UCHL3: variants seen among roughly 807,000 people sequenced by gnomAD.
UCHL3 encodes the protein ubiquitin C-terminal hydrolase L3.
UCHL3 carries 22 observed loss-of-function variants against 35.8 expected under a neutral mutation model. The observed-to-expected ratio is 0.61, with a 90% CI of 0.44 to 0.88. UCHL3 has a LOEUF of 0.88. Among genes scored for constraint, UCHL3 ranks in the 40% least tolerant of loss-of-function variants. The pLI, the probability that UCHL3 is intolerant of heterozygous loss-of-function variation, is 0.00. For synonymous variants in UCHL3, 90 were observed against 92.8 expected (o/e 0.97, Z 0.17); for missense variants, 229 against 276.9 (o/e 0.83, Z 1.23).
At chr13:75,591,740 T>C (rs1250349942) in intron 6 of UCHL3, among the ~76,000 whole-genome samples, 3 of 152,194 alleles carry the variant, frequency 2.0e-5, no homozygotes, top group Non-Finnish European at 4.4e-5. Context: ...TTAATGCTTC[T>C]GTGCCTCAGT....
At chr13:75,556,100 A>G (rs187918986) in intron 2 of UCHL3, among the ~76,000 whole-genome samples, 5 of 152,304 alleles carry the variant, frequency 3.3e-5, no homozygotes, top group African/African-American at 7.2e-5. Flanking sequence ...TGAGTAATCT[A>G]TGTCGAGTAC....
intron 2 of UCHL3, among the ~76,000 whole-genome samples, chr13:75,559,085 G>A (rs1299414566): frequency 8.6e-6 from 1 of 115,778 alleles, no homozygotes; most frequent in Non-Finnish European, 1.7e-5. Flanking sequence ...TGTAGCCCAG[G>A]CTGGAGTGCA....
intron 7 of UCHL3, among the ~76,000 whole-genome samples, chr13:75,603,068 C>T (rs894138927): frequency 5.9e-5 from 9 of 152,064 alleles, no homozygotes; most frequent in South Asian, 4.1e-4. Flanking sequence ...TAGCTTGCTG[C>T]GTCCTTGAAC....
At chr13:75,570,541 C>T (rs2031823620) in intron 6 of UCHL3, among the ~76,000 whole-genome samples, 1 of 152,138 alleles carries the variant, frequency 6.6e-6, no homozygotes, top group Admixed American at 6.6e-5. Flanking sequence ...CAGCCGAAAC[C>T]ACACTTTTTC....
chr13:75,560,963 C>A, intron 3 of UCHL3, 82 bp downstream of exon 3: 1 of 1,302,716 alleles, frequency 7.7e-7, no homozygotes, highest in Non-Finnish European at 1.0e-6. Context: ...CAGTATCTCG[C>A]TCTGTTGCCT....
At chr13:75,550,169 TC>T (rs2031032011) in intron 2 of UCHL3, among the ~76,000 whole-genome samples, 182 bp downstream of exon 2, 1 of 152,206 alleles carries the variant, frequency 6.6e-6, no homozygotes, top group South Asian at 2.1e-4. Flanking sequence ...GCCACCTGGC[TC>T]CTGAAGATTC....
chr13:75,567,493 G>T (rs1455780945), intron 5 of UCHL3, among the ~76,000 whole-genome samples, 181 bp downstream of exon 5: 1 of 152,006 alleles, frequency 6.6e-6, no homozygotes, highest in African/African-American at 2.4e-5. Context: ...CTGATAAGTT[G>T]CCATTTCTTT....
intron 7 of UCHL3, among the ~76,000 whole-genome samples, chr13:75,596,792 G>A (rs958477948): frequency 6.6e-6 from 1 of 152,110 alleles, no homozygotes; most frequent in Non-Finnish European, 1.5e-5. Context: ...TTAGAAGGAA[G>A]GACATATATC....
At chr13:75,552,411 G>T (rs2031143978) in intron 2 of UCHL3, among the ~76,000 whole-genome samples, 1 of 152,194 alleles carries the variant, frequency 6.6e-6, no homozygotes, top group Non-Finnish European at 1.5e-5. Context: ...TCTGGTAATT[G>T]CATGTGTTGT....
At position 75,585,823 on chromosome 13, in the gene UCHL3, C is replaced by T. The variant is rs143889899; in HGVS notation, c.475-9092C>T. 8.4e-4 allele frequency among the ~76,000 whole-genome samples: 127 copies of T among 151,846 alleles called. 2 individuals carry two copies. Among genetic ancestry groups the T allele is most frequent in the Non-Finnish European group, 8.4e-4 (57 of 67,882 alleles). On this transcript the variant is annotated intron_variant, in intron 6 of 8. Transcript: ENST00000377595. ...GGTGTAATACTGTTTGAAGGTACTC[C>T]GTAACTAAAGATATATCTTGTAAAT...
At position 75,605,955 on chromosome 13, in the gene UCHL3, A is replaced by G; in HGVS notation, c.*143A>G. The G allele has an allele frequency of 5.6e-6, 4 of 715,402 alleles. No individual in the cohort carries two copies. The highest frequency in any genetic ancestry group is 2.2e-5 in the South Asian group (1 of 46,236). The allele number at this position is 715,402 out of a possible 1,614,324, so 44.3% of individuals were successfully genotyped here. ...TAAACTTTGCCTTAACCTGTGTTTT[A>G]TGTTATTTTTGCTCCAGGTTAAAGG... On this transcript the variant is annotated 3_prime_UTR_variant, in exon 9 of 9. Coordinates refer to ENST00000377595, the MANE Select transcript of UCHL3 (RefSeq NM_006002.5).
In UCHL3 at chr13:75,549,806, C is replaced by CCGGGCACCGCGGCCATGGAGGGT; in HGVS notation, c.-13_10dup. The CCGGGCACCGCGGCCATGGAGGGT allele has an allele frequency of 6.5e-7, 1 of 1,544,160 alleles. No homozygotes were observed. Among genetic ancestry groups the CCGGGCACCGCGGCCATGGAGGGT allele is most frequent in the Non-Finnish European group, 8.7e-7 (1 of 1,151,712 alleles). On this transcript the variant is annotated 5_prime_UTR_variant, in exon 1 of 9. In the 5' UTR this introduces an upstream ATG that the reference lacks. Coordinates refer to ENST00000377595, the MANE Select transcript of UCHL3 (RefSeq NM_006002.5). ...GGCGGCGGCTGTCAGAGCTGGAGGGCCGGGCACCGCGGCCATGGAGGGTCA... is the reference window on the plus strand; with the variant it reads ...GGCGGCGGCTGTCAGAGCTGGAGGGCCGGGCACCGCGGCCATGGAGGGTCGGGCACCGCGGCCATGGAGGGTCA...
intron 6 of UCHL3, among the ~76,000 whole-genome samples, chr13:75,570,771 G>T (rs1160811364): frequency 3.9e-5 from 6 of 152,122 alleles, no homozygotes; most frequent in African/African-American, 1.4e-4. Context: ...TTAGCCAGGT[G>T]TGGTGGTGCA....
At chr13:75,571,588 C>CAA (rs2031858621) in intron 6 of UCHL3, among the ~76,000 whole-genome samples, 1 of 152,190 alleles carries the variant, frequency 6.6e-6, no homozygotes, top group South Asian at 2.1e-4. Context: ...TGCAGATTCT[C>CAA]AGTTTTTATT....
At chr13:75,574,995 T>C (rs1337801646) in intron 6 of UCHL3, among the ~76,000 whole-genome samples, 1 of 151,572 alleles carries the variant, frequency 6.6e-6, no homozygotes, top group African/African-American at 2.4e-5. Flanking sequence ...GTTGAAAGAG[T>C]GGGTAGAGGA....
chr13:75,595,739 G>A (rs1447405087), intron 7 of UCHL3, among the ~76,000 whole-genome samples: 2 of 147,816 alleles, frequency 1.4e-5, no homozygotes, highest in African/African-American at 5.0e-5. Context: ...TCAGGCATAT[G>A]TCAGAGTACC....
At chr13:75,574,738 C>T (rs115699929) in intron 6 of UCHL3, among the ~76,000 whole-genome samples, 1,995 of 152,236 alleles carry the variant, frequency 0.013, 60 homozygotes, top group African/African-American at 0.046. Flanking sequence ...GAAGATGAGG[C>T]TGAAGTAATA....
intron 6 of UCHL3, among the ~76,000 whole-genome samples, chr13:75,591,943 T>G (rs115767441): frequency 0.013 from 1,989 of 152,240 alleles, 59 homozygotes; most frequent in African/African-American, 0.045. Context: ...TAGCATTTCC[T>G]TTGAACATCC....
At chr13:75,600,505 G>T (rs1348279495) in intron 7 of UCHL3, among the ~76,000 whole-genome samples, 2 of 152,170 alleles carry the variant, frequency 1.3e-5, no homozygotes, top group African/African-American at 4.8e-5. Flanking sequence ...CCTTAAGAAT[G>T]ATGCTAAATC....
Sources: gnomAD v4.1 joint callset for allele counts (sites outside exome capture counted in the v4.1 genomes callset) on GRCh38, gnomAD v4.1.1 for gene constraint, MANE v1.5 for transcripts, NCBI Gene and HGNC (gene_info 2026-07-23, HGNC 2026-07-21) for gene names.